Variants in BTD observed in about 807,000 individuals in gnomAD.
BTD encodes biotinidase.
In BTD, 13 loss-of-function variants were observed where a neutral mutation model predicts 17.7. The observed-to-expected ratio is 0.74, with a 90% confidence interval of 0.48 to 1.17. The LOEUF is 1.17. Among genes scored for constraint, BTD ranks in the 50% most tolerant of loss-of-function variants. The pLI is 0.00. For synonymous variants in BTD, 240 were observed against 245.2 expected (o/e 0.98, Z 0.20); for missense variants, 674 against 650.4 (o/e 1.04, Z -0.39).
chr3:15,672,136 T>C (rs911338092), intron 3 of BTD, among the ~76,000 whole-genome samples: 5 of 148,880 alleles, frequency 3.4e-5, no homozygotes, highest in Non-Finnish European at 7.4e-5. Context: ...TTGGCCTTGA[T>C]AAAAAAAGGA....
intron 1 of BTD, among the ~76,000 whole-genome samples, chr3:15,615,570 A>G (rs564191800): frequency 1.3e-5 from 2 of 152,214 alleles, no homozygotes; most frequent in South Asian, 4.2e-4. Context: ...GTTTTCAGTT[A>G]CTTGATTTTA....
chr3:15,608,367 C>T (rs909464487), intron 1 of BTD, among the ~76,000 whole-genome samples: 8 of 152,102 alleles, frequency 5.3e-5, no homozygotes, highest in African/African-American at 1.9e-4. Context: ...CAGCAGCAGT[C>T]ATTACATCAC....
At chr3:15,696,296 C>T in intron 3 of BTD, 2 of 1,189,654 alleles carry the variant, frequency 1.7e-6, no homozygotes, top group Non-Finnish European at 2.4e-6. Flanking sequence ...TGCATATTAA[C>T]CAATGATAAA....
chr3:15,625,939 T>C (rs991458166), intron 1 of BTD, among the ~76,000 whole-genome samples: 6 of 152,284 alleles, frequency 3.9e-5, no homozygotes, highest in Non-Finnish European at 4.4e-5. Context: ...AAATCTGTTC[T>C]TGTTCATTGC....
chr3:15,607,190 A>G lies in BTD; in HGVS notation c.-17+5296A>G, dbSNP rs547542431. Among the ~76,000 whole-genome samples the G allele has an allele frequency of 3.9e-4, 59 of 152,206 alleles. 1 individual carries two copies. Among genetic ancestry groups the G allele is most frequent in the Non-Finnish European group, 1.9e-4 (13 of 68,014 alleles). ...AGGTATAAAATTTTATTTGTTGGAT[A>G]TTTTACTGAAATGTTACTTGTTTTT... On this transcript the variant is annotated intron_variant, in intron 1 of 3. Transcript: ENST00000643237.
At chr3:15,636,615 C>G (rs1191067417) in intron 2 of BTD, among the ~76,000 whole-genome samples, 1 of 152,204 alleles carries the variant, frequency 6.6e-6, no homozygotes, top group East Asian at 1.9e-4. Flanking sequence ...GCAACACTTT[C>G]CTGCTCTCTG....
intron 3 of BTD, chr3:15,709,701 C>T: frequency 1.3e-6 from 2 of 1,584,310 alleles, no homozygotes; most frequent in South Asian, 2.3e-5. Flanking sequence ...AAAGTCTGCA[C>T]CAGTATTCAG....
rs1349221560 is a variant in BTD, at chr3:15,635,362, ACGT to A, written c.-16-61_-16-59del. 2.5e-6 allele frequency: 4 copies of A among 1,611,198 alleles called. No individual in the cohort carries two copies. The Admixed American group carries it at 6.7e-5, about 27-fold the overall frequency. On this transcript the variant is annotated intron_variant, in intron 1 of 3. Transcript: ENST00000643237. This position sits in a 1 kb window ranked among gnomAD's most constrained non-coding sequence, Gnocchi z 4.1. ...TGGGATTAATAAATCACAGCTGCAA[ACGT>A]TAAATTCTTGGCAGGATTCTTTATT... is the stretch of plus-strand genomic sequence containing the variant.
At position 15,651,313 on chromosome 3, in the gene BTD, C is replaced by T. The variant is rs1307515353; in HGVS notation, c.*5825C>T. Among the ~76,000 whole-genome samples the T allele has an allele frequency of 6.6e-6, 1 of 152,144 alleles. No individual in the cohort carries two copies. Among genetic ancestry groups the T allele is most frequent in the Non-Finnish European group, 1.5e-5 (1 of 68,028 alleles). On this transcript the variant is annotated 3_prime_UTR_variant, in exon 4 of 4. Coordinates refer to ENST00000643237, the MANE Select transcript of BTD (RefSeq NM_001370658.1). ...TGTGATGCCAGTCAGGTATTGCTGC[C>T]GTAAGGGCCATAGCAGGAGGGAGAC... is the stretch of plus-strand genomic sequence containing the variant.
At chr3:15,608,569 C>T (rs2064522697) in intron 1 of BTD, among the ~76,000 whole-genome samples, 1 of 152,074 alleles carries the variant, frequency 6.6e-6, no homozygotes, top group African/African-American at 2.4e-5. Flanking sequence ...AGATTGACAC[C>T]ATCCTGGCCA....
chr3:15,695,092 A>G (rs1429687684), intron 3 of BTD: 25 of 1,028,400 alleles, frequency 2.4e-5, no homozygotes, highest in Non-Finnish European at 1.5e-6. Context: ...ATATGTAAAA[A>G]CACTTTCAGC....
chr3:15,694,517 CTT>C (rs376633083), intron 3 of BTD, among the ~76,000 whole-genome samples: 1 of 142,638 alleles, frequency 7.0e-6, no homozygotes, highest in Admixed American at 7.0e-5. Context: ...CACTGTCTGT[CTT>C]TTTTTTTTTT....
At chr3:15,682,531 G>C (rs893270077) in intron 3 of BTD, among the ~76,000 whole-genome samples, 3 of 152,160 alleles carry the variant, frequency 2.0e-5, no homozygotes, top group African/African-American at 7.2e-5. Context: ...TCATAAAAAT[G>C]AACACATTTT....
intron 1 of BTD, among the ~76,000 whole-genome samples, chr3:15,629,738 A>G (rs28450862): frequency 0.043 from 6,546 of 152,176 alleles, 400 homozygotes; most frequent in African/African-American, 0.14. Flanking sequence ...CGCAGTGGTC[A>G]TTAAAGCTTG....
chr3:15,644,040 G>A (rs1023863157), intron 3 of BTD, among the ~76,000 whole-genome samples: 56 of 148,868 alleles, frequency 3.8e-4, no homozygotes, highest in Admixed American at 2.5e-3. Context: ...TTGCTCTGTC[G>A]CCCAGGCTGG....
chr3:15,696,462 T>A (rs1262261871), intron 3 of BTD, among the ~76,000 whole-genome samples: 1 of 152,112 alleles, frequency 6.6e-6, no homozygotes, highest in Admixed American at 6.6e-5. Flanking sequence ...TGATTCAAAG[T>A]GGATACCTCA....
intron 1 of BTD, chr3:15,629,958 A>T: frequency 2.8e-6 from 2 of 706,232 alleles, no homozygotes; most frequent in Non-Finnish European, 3.5e-6. Flanking sequence ...TTTATATTGC[A>T]TGTAAAATGC....
chr3:15,677,448 A>T, intron 3 of BTD: 1 of 1,523,776 alleles, frequency 6.6e-7, no homozygotes, highest in South Asian at 1.1e-5. Flanking sequence ...TAATATTAAC[A>T]ATGGAAACAT....
At chr3:15,676,420 T>C (rs1194591556) in intron 3 of BTD, among the ~76,000 whole-genome samples, 1 of 152,188 alleles carries the variant, frequency 6.6e-6, no homozygotes, top group African/African-American at 2.4e-5. Context: ...CATGACTAAT[T>C]TTTGGACCTT....
Sources: allele counts gnomAD v4.1 joint callset (sites outside exome capture counted in the v4.1 genomes callset), GRCh38; gene constraint gnomAD v4.1.1; non-coding constraint Gnocchi (gnomAD v3.1); transcripts MANE v1.5; gene names NCBI Gene and HGNC (gene_info 2026-07-23, HGNC 2026-07-21).